NOL4L: variants seen among roughly 807,000 people sequenced by gnomAD.
The protein encoded by NOL4L is nucleolar protein 4 like, also known as nucleolar protein 4-like.
Under a neutral mutation model 64.5 loss-of-function variants are expected in NOL4L, and 7 were observed. That is an observed-to-expected ratio of 0.11 (90% CI 0.06 to 0.20). The LOEUF is 0.20. NOL4L is among the 10% of genes least tolerant of loss of function. The pLI is 1.00. For missense variants in NOL4L, 680 were observed against 967.1 expected (o/e 0.70, Z 3.94); for synonymous variants, 413 against 401.0 (o/e 1.03, Z -0.36).
chr20:32,456,964 G>A (rs1255906869), intron 5 of NOL4L, among the ~76,000 whole-genome samples: 1 of 152,238 alleles, frequency 6.6e-6, no homozygotes, highest in Non-Finnish European at 1.5e-5. Flanking sequence ...CCCAGCCCTG[G>A]CAGCCTAGGC....
chr20:32,473,069 G>A (rs1334278118), intron 5 of NOL4L, among the ~76,000 whole-genome samples: 1 of 152,210 alleles, frequency 6.6e-6, no homozygotes, highest in Non-Finnish European at 1.5e-5. Flanking sequence ...GACCTCCCCA[G>A]GACGTGTCTC....
At chr20:32,503,799 T>G (rs1378474365) in intron 4 of NOL4L, among the ~76,000 whole-genome samples, 1 of 152,214 alleles carries the variant, frequency 6.6e-6, no homozygotes, top group Non-Finnish European at 1.5e-5. Flanking sequence ...ACTGGGAAAC[T>G]GTCTTTGATC....
chr20:32,522,495 C>T (rs2017981176), intron 2 of NOL4L, among the ~76,000 whole-genome samples: 1 of 152,212 alleles, frequency 6.6e-6, no homozygotes, highest in South Asian at 2.1e-4. Flanking sequence ...AGCTTCATCC[C>T]TAGCCCAGGC....
At chr20:32,535,920 C>T (rs942781688) in intron 1 of NOL4L, 75 of 985,596 alleles carry the variant, frequency 7.6e-5, no homozygotes, top group Middle Eastern at 5.2e-4. Flanking sequence ...GGGTCTGGGC[C>T]TGGCTGCAGG....
At chr20:32,539,660 G>C (rs909192338) in intron 1 of NOL4L, among the ~76,000 whole-genome samples, 1 of 152,048 alleles carries the variant, frequency 6.6e-6, no homozygotes, top group Non-Finnish European at 1.5e-5. Context: ...AATTTCTTGC[G>C]GTCTTTTTCC....
At chr20:32,538,461 C>G (rs1047127484) in intron 1 of NOL4L, among the ~76,000 whole-genome samples, 1 of 114,840 alleles carries the variant, frequency 8.7e-6, no homozygotes, top group Non-Finnish European at 1.8e-5. Context: ...CTCCCTCCCT[C>G]GCTCCCTCCC....
At chr20:32,499,803 GCAAAACTTTTAAAAAGAAAGCCAA>G (rs754857777) in intron 4 of NOL4L, among the ~76,000 whole-genome samples, 61 of 139,818 alleles carry the variant, frequency 4.4e-4, no homozygotes, top group Non-Finnish European at 8.4e-4. Context: ...TTTCAAGCCA[GCAAAACTTTTAAAAAGAAAGCCAA>G]CAAAAGAGGA....
chr20:32,556,939 G>A (rs1459957053), intron 1 of NOL4L, among the ~76,000 whole-genome samples: 5 of 152,198 alleles, frequency 3.3e-5, no homozygotes, highest in Non-Finnish European at 5.9e-5. Flanking sequence ...GATATTGATC[G>A]AGCTCCTGAT....
chr20:32,458,622 T>C (rs1383624466), intron 5 of NOL4L, among the ~76,000 whole-genome samples: 1 of 152,196 alleles, frequency 6.6e-6, no homozygotes, highest in Non-Finnish European at 1.5e-5. Flanking sequence ...TTCACCCACC[T>C]TGCAGGTGCG....
intron 5 of NOL4L, among the ~76,000 whole-genome samples, chr20:32,465,991 T>G (rs929420289): frequency 1.5e-4 from 22 of 150,814 alleles, no homozygotes; most frequent in African/African-American, 5.4e-4. Context: ...TTTTTTTTTT[T>G]TTTTTTTTGA....
chr20:32,452,765 T>TC (rs1254556327), intron 9 of NOL4L, 119 bp downstream of exon 9: 29 of 1,476,508 alleles, frequency 2.0e-5, no homozygotes, highest in Non-Finnish European at 2.5e-5. Context: ...GCCCTCCTGT[T>TC]CCCCCTCTGC....
At chr20:32,510,035 C>T (rs2017325438) in intron 4 of NOL4L, 2 of 957,622 alleles carry the variant, frequency 2.1e-6, no homozygotes, top group Admixed American at 2.3e-5. Flanking sequence ...CTATAACCAA[C>T]AACAAAAGCA....
At chr20:32,570,106 G>A (rs560717588) in intron 1 of NOL4L, among the ~76,000 whole-genome samples, 8 of 152,208 alleles carry the variant, frequency 5.3e-5, no homozygotes, top group Admixed American at 1.3e-4. Flanking sequence ...TACAGAGGAG[G>A]AAACTGAGGC....
intron 1 of NOL4L, among the ~76,000 whole-genome samples, chr20:32,551,755 CTGAATATA>C (rs771740182): frequency 1.3e-5 from 2 of 151,894 alleles, no homozygotes; most frequent in Non-Finnish European, 2.9e-5. Flanking sequence ...TTGCACATCT[CTGAATATA>C]TGATACTGAA....
At position 32,551,414 on chromosome 20, in the gene NOL4L, C is replaced by T. The variant is rs530666866; in HGVS notation, c.322-23501G>A. Among the ~76,000 whole-genome samples, 25 of 151,192 alleles carry T rather than the reference C, an allele frequency of 1.7e-4. No homozygotes were observed. In the South Asian group the frequency reaches 4.8e-3, roughly 29 times the overall value. The stretch of plus-strand genomic sequence containing the variant: ...TCATCATCATCATCATCATCATCAT[C>T]GTGAGCATCATCCTCATCTCATGGG... On this transcript the variant is annotated intron_variant, in intron 1 of 10. Transcript: ENST00000621426.
At chr20:32,531,516 C>G (rs1227962463) in intron 1 of NOL4L, among the ~76,000 whole-genome samples, 1 of 152,074 alleles carries the variant, frequency 6.6e-6, no homozygotes, top group Non-Finnish European at 1.5e-5. Flanking sequence ...CCACACCTGG[C>G]TAATTTTTGT....
At position 32,453,507 on chromosome 20, in the gene NOL4L, C is replaced by A; in HGVS notation, c.1306-12G>T. 1.2e-6 allele frequency: 2 copies of A among 1,613,514 alleles called. No homozygotes were observed. Among genetic ancestry groups the A allele is most frequent in the Non-Finnish European group, 1.7e-6 (2 of 1,179,456 alleles). On this transcript the variant is annotated splice_polypyrimidine_tract_variant and intron_variant, in intron 7 of 10. Coordinates refer to ENST00000621426, the MANE Select transcript of NOL4L (RefSeq NM_001256798.2). The surrounding 1 kb of genome is among the most constrained non-coding windows in gnomAD (Gnocchi z 5.6). Reference sequence around the variant, plus strand: ...AGACGCACAAACATCTGTGGAGACACGGGCCATGGGAAGGGCTGGCCCTGG... The same window carrying A: ...AGACGCACAAACATCTGTGGAGACAAGGGCCATGGGAAGGGCTGGCCCTGG...
At chr20:32,529,681 G>A (rs35532158) in intron 1 of NOL4L, among the ~76,000 whole-genome samples, 26,713 of 152,162 alleles carry the variant, frequency 0.18, 3,086 homozygotes, top group Non-Finnish European at 0.25. Context: ...CACAGCTAGC[G>A]GGCAGTGTCC....
chr20:32,485,085 A>AAAAAAAAAAAAAAAAAAAC (rs1568643237), intron 4 of NOL4L, among the ~76,000 whole-genome samples: 3 of 144,410 alleles, frequency 2.1e-5, no homozygotes, highest in East Asian at 2.1e-4. Context: ...AAAAAAAAAA[A>AAAAAAAAAAAAAAAAAAAC]AACAACTAAA....
Sources: gnomAD v4.1 joint callset for allele counts (sites outside exome capture counted in the v4.1 genomes callset) on GRCh38, gnomAD v4.1.1 for gene constraint, Gnocchi (gnomAD v3.1) non-coding constraint, MANE v1.5 for transcripts, NCBI Gene and HGNC (gene_info 2026-07-23, HGNC 2026-07-21) for gene names.